MYO5C: variants seen among roughly 807,000 people sequenced by gnomAD.
MYO5C encodes the protein myosin VC.
Under a neutral mutation model 235.7 loss-of-function variants are expected in MYO5C, and 194 were observed. That is an observed-to-expected ratio of 0.82 (90% CI 0.73 to 0.93). MYO5C has a LOEUF of 0.93. MYO5C is among the 40% of genes least tolerant of loss of function. The pLI is 0.00. For synonymous variants in MYO5C, 707 were observed against 754.8 expected (o/e 0.94, Z 1.04); for missense variants, 2,038 against 2,127.2 (o/e 0.96, Z 0.82).
chr15:52,285,940 G>A (rs1566995357), intron 1 of MYO5C, among the ~76,000 whole-genome samples: 1 of 152,212 alleles, frequency 6.6e-6, no homozygotes. Flanking sequence ...TCCCATCTAG[G>A]AAGTGAGGAG....
At chr15:52,295,042 T>A (rs1245139150) in intron 1 of MYO5C, among the ~76,000 whole-genome samples, 1 of 152,196 alleles carries the variant, frequency 6.6e-6, no homozygotes, top group South Asian at 2.1e-4. Flanking sequence ...TGAGCCTACA[T>A]GCACGTTCAC....
chr15:52,278,709 C>T (rs949447711), intron 4 of MYO5C, among the ~76,000 whole-genome samples, 164 bp downstream of exon 4: 3 of 152,186 alleles, frequency 2.0e-5, no homozygotes, highest in African/African-American at 7.2e-5. Context: ...GTACATGGAA[C>T]AGTCGTTTGC....
At chr15:52,278,023 C>T (rs1390716849) in intron 4 of MYO5C, 1 of 450,378 alleles carries the variant, frequency 2.2e-6, no homozygotes, top group East Asian at 7.0e-5. Flanking sequence ...CCTCAGATTT[C>T]CCATCTGTGA....
chr15:52,259,335 G>A (rs1320223685), intron 10 of MYO5C, among the ~76,000 whole-genome samples: 14 of 150,076 alleles, frequency 9.3e-5, no homozygotes, highest in Middle Eastern at 3.5e-3. Flanking sequence ...CAGGAGAATC[G>A]CTTGAACCTG....
chr15:52,193,997 A>C lies in MYO5C; in HGVS notation c.5134T>G (p.Phe1712Val), dbSNP rs906336486. The C allele has an allele frequency of 3.1e-6, 5 of 1,613,846 alleles. No individual in the cohort carries two copies. The highest frequency in any genetic ancestry group is 4.2e-6 in the Non-Finnish European group (5 of 1,179,912). ...SQLMLDTKYL[F>V]QVTFPFTPSP... Reference sequence around the variant, plus strand: ...GGGGTAAAAGGAAATGTGACTTGAAAGAGATATTTGGTATCCAACATCAGC... The same window carrying C: ...GGGGTAAAAGGAAATGTGACTTGAACGAGATATTTGGTATCCAACATCAGC... Residue 1712 changes from phenylalanine (F) to valine (V), a missense_variant, in exon 41 of 41, where the codon TTT becomes GTT. By Grantham distance (50) the Phe-to-Val change is conservative. Coordinates refer to ENST00000261839, the MANE Select transcript of MYO5C (RefSeq NM_018728.4).
intron 9 of MYO5C, among the ~76,000 whole-genome samples, chr15:52,261,487 C>G (rs1183814585): frequency 6.6e-6 from 1 of 152,256 alleles, no homozygotes; most frequent in African/African-American, 2.4e-5. Context: ...GCAGCCCTCT[C>G]TCTTCCCTTT....
chr15:52,216,283 T>G (rs140753648), intron 32 of MYO5C, among the ~76,000 whole-genome samples: 289 of 152,350 alleles, frequency 1.9e-3, no homozygotes, highest in Non-Finnish European at 3.0e-3. Context: ...AGTGTGATCA[T>G]AGCTCACTGC....
intron 11 of MYO5C, 36 bp downstream of exon 11, chr15:52,256,603 C>CGCGCGGGGG: frequency 6.1e-6 from 4 of 650,516 alleles, no homozygotes; most frequent in South Asian, 1.7e-5. Context: ...GCGCGCGCGG[C>CGCGCGGGGG]TGAGAACTAG....
In MYO5C at chr15:52,205,017, G is replaced by C. The variant is rs1400941893; in HGVS notation, c.4668C>G (p.Ser1556Arg). Residue 1556 changes from serine to arginine, a missense_variant, in exon 38 of 41, where the codon AGC becomes AGG. Physicochemically the swap from Ser to Arg is moderately radical, Grantham distance 110. Transcript: ENST00000261839. The stretch of plus-strand genomic sequence containing the variant: ...TCTGGCACATGGTGGTGTAAAAGTA[G>C]CTCAGCTGTTGCAGGACGGAGGTCA... Reference protein sequence around the residue: ...YTMTSVLQQLSYFYTTMCQNG... With the variant: ...YTMTSVLQQLRYFYTTMCQNG... The C allele has an allele frequency of 1.2e-6, 2 of 1,614,134 alleles. No homozygotes were observed. Among genetic ancestry groups the C allele is most frequent in the East Asian group, 2.2e-5 (1 of 44,890 alleles).
intron 38 of MYO5C, among the ~76,000 whole-genome samples, chr15:52,200,303 C>A (rs778901697): frequency 6.6e-6 from 1 of 152,170 alleles, no homozygotes; most frequent in Non-Finnish European, 1.5e-5. Flanking sequence ...GATGGTGGCT[C>A]ACACCTGTAA....
intron 36 of MYO5C, 86 bp downstream of exon 36, chr15:52,208,468 G>A (rs966442227): frequency 2.4e-5 from 30 of 1,228,888 alleles, no homozygotes; most frequent in Non-Finnish European, 3.1e-5. Context: ...TGGTGGAGAG[G>A]ATAGAGGCTC....
intron 38 of MYO5C, among the ~76,000 whole-genome samples, chr15:52,197,298 A>T (rs938902014): frequency 1.9e-4 from 29 of 152,276 alleles, no homozygotes. Context: ...ATGGGGTATT[A>T]TTCAGCAATA....
intron 22 of MYO5C, chr15:52,237,066 G>A (rs1007358864): frequency 6.5e-6 from 1 of 153,098 alleles, no homozygotes; most frequent in Non-Finnish European, 1.5e-5. Flanking sequence ...TTTTTATGCT[G>A]ACTGCTCTTT....
At chr15:52,292,637 A>G (rs1433916133) in intron 1 of MYO5C, among the ~76,000 whole-genome samples, 1 of 152,268 alleles carries the variant, frequency 6.6e-6, no homozygotes, top group Non-Finnish European at 1.5e-5. Context: ...AGTCATGCAC[A>G]CAGGTGCACA....
rs760127579 is a variant in MYO5C at position 52,246,954 on chromosome 15, G to A, written c.1942C>T (p.Arg648Ter). 26 of 1,613,914 alleles carry A rather than the reference G, an allele frequency of 1.6e-5. No individual in the cohort carries two copies. The highest frequency in any genetic ancestry group is 3.3e-5 in the Admixed American group (2 of 59,990). ...TLNATTPHYVRCIKPNDEKLP... is the reference protein window; with the variant it reads ...TLNATTPHYV The stretch of plus-strand genomic sequence containing the variant: ...TTCTCATCATTTGGCTTGATGCATC[G>A]AACGTAGTGGGGCGTCGTCGCATTG... Residue 648 changes from arginine (R) to a stop codon, truncating the protein, a stop_gained, in exon 16 of 41, where the codon CGA becomes TGA. Transcript: ENST00000261839. LOFTEE classifies it high-confidence loss of function.
At chr15:52,283,359 T>C (rs79170904) in intron 1 of MYO5C, among the ~76,000 whole-genome samples, 3,132 of 152,318 alleles carry the variant, frequency 0.021, 109 homozygotes, top group African/African-American at 0.069. Context: ...TGAAAGAACT[T>C]TGTAAAATGC....
At chr15:52,262,400 C>T (rs1052412025) in intron 9 of MYO5C, among the ~76,000 whole-genome samples, 32 of 152,122 alleles carry the variant, frequency 2.1e-4, no homozygotes, top group African/African-American at 7.7e-4. Context: ...AGTGTGATGG[C>T]ATTTGTTGGG....
rs1306709148 is a variant in MYO5C, at chr15:52,197,771, G to T, written c.4821-1288C>A. On this transcript the variant is annotated intron_variant, in intron 38 of 40. Coordinates refer to ENST00000261839, the MANE Select transcript of MYO5C (RefSeq NM_018728.4). ...CTGCCTTAGCCTCCTGAGTAGCTGG[G>T]ATTACAGGCGCCTGCCACTACACCC... 4.6e-5 allele frequency among the ~76,000 whole-genome samples: 7 copies of T among 152,046 alleles called. No homozygotes were observed. In the East Asian group the frequency reaches 1.4e-3, roughly 30 times the overall value.
chr15:52,232,221 TGAAAGAAAGAA>T lies in MYO5C; in HGVS notation c.3026+390_3026+400del, dbSNP rs143512740. 3.3e-4 allele frequency among the ~76,000 whole-genome samples: 7 copies of T among 21,064 alleles called. 3 individuals are homozygous for T. Among genetic ancestry groups the T allele is most frequent in the Non-Finnish European group, 8.3e-4 (4 of 4,816 alleles). 13.8% of individuals were successfully genotyped at this position (21,064 alleles called of 152,430 possible). On this transcript the variant is annotated intron_variant, in intron 24 of 40. Coordinates refer to ENST00000261839, the MANE Select transcript of MYO5C (RefSeq NM_018728.4). ...AAGGAAGGAAGGAAAAGAAAGAAAA[TGAAAGAAAGAA>T]GAAAGAAAGAAGGAAGGAGAGAAGG... is the stretch of plus-strand genomic sequence containing the variant.
Sources: gnomAD v4.1 joint callset for allele counts (sites outside exome capture counted in the v4.1 genomes callset) on GRCh38, gnomAD v4.1.1 for gene constraint, MANE v1.5 for transcripts, NCBI Gene and HGNC (gene_info 2026-07-23, HGNC 2026-07-21) for gene names.